The following KCNIP4 variants were observed in gnomAD, a reference collection of about 807,000 sequenced individuals.
The protein encoded by KCNIP4 is potassium voltage-gated channel interacting protein 4.
KCNIP4 carries 12 observed loss-of-function variants against 34.0 expected under a neutral mutation model. The ratio of observed to expected loss-of-function variants is 0.35; its 90% confidence interval spans 0.23 to 0.57. KCNIP4 has a LOEUF of 0.57. Among genes scored for constraint, KCNIP4 ranks in the 20% least tolerant of loss-of-function variants. The pLI, the probability that KCNIP4 is intolerant of heterozygous loss-of-function variation, is 0.83. For synonymous variants in KCNIP4, 124 were observed against 102.2 expected, an observed-to-expected ratio of 1.21 and a Z score of -1.29; for missense variants, 238 against 311.7, an observed-to-expected ratio of 0.76 and a Z score of 1.78.
intron 1 of KCNIP4, among the ~76,000 whole-genome samples, chr4:21,752,353 T>A (rs1717205728): frequency 6.6e-6 from 1 of 152,026 alleles, no homozygotes; most frequent in African/African-American, 2.4e-5. Context: ...TTGTACCTTC[T>A]CACATGTCAG....
intron 1 of KCNIP4, among the ~76,000 whole-genome samples, chr4:21,240,667 G>A (rs769728524): frequency 6.6e-6 from 1 of 152,062 alleles, no homozygotes. Flanking sequence ...AGGCTTCCTG[G>A]CTTCCATGTA....
intron 3 of KCNIP4, among the ~76,000 whole-genome samples, chr4:20,836,951 C>T (rs79250965): frequency 0.017 from 2,645 of 151,996 alleles, 74 homozygotes; most frequent in African/African-American, 0.057. Context: ...CTTCCTCCAC[C>T]ACACTCTAAT....
At chr4:21,890,956 G>C (rs887454493) in intron 1 of KCNIP4, among the ~76,000 whole-genome samples, 2 of 152,016 alleles carry the variant, frequency 1.3e-5, no homozygotes, top group Admixed American at 1.3e-4. Context: ...CTTGTAAAAA[G>C]CATGCAGTTT....
chr4:21,790,961 G>A (rs1278226319), intron 1 of KCNIP4, among the ~76,000 whole-genome samples: 1 of 77,422 alleles, frequency 1.3e-5, no homozygotes, highest in Admixed American at 2.4e-4. Context: ...ATTTGCCTGC[G>A]CACTCCACAA....
intron 3 of KCNIP4, among the ~76,000 whole-genome samples, chr4:20,801,042 C>T (rs924641643): frequency 4.6e-5 from 7 of 152,060 alleles, no homozygotes; most frequent in Non-Finnish European, 8.8e-5. Flanking sequence ...GAGAAAACAT[C>T]AAGTCACATA....
At chr4:20,936,870 G>C (rs1192029913) in intron 1 of KCNIP4, among the ~76,000 whole-genome samples, 1 of 152,174 alleles carries the variant, frequency 6.6e-6, no homozygotes, top group Non-Finnish European at 1.5e-5. Context: ...CAGAGTGCAG[G>C]TTGCAAAATG....
In KCNIP4 at chr4:20,729,471, C is replaced by T. The variant is rs1468379037; in HGVS notation, c.*611G>A. The T allele has an allele frequency of 1.3e-5, 2 of 151,228 alleles. No homozygotes were observed. Among genetic ancestry groups the T allele is most frequent in the Non-Finnish European group, 2.9e-5 (2 of 67,852 alleles). The allele number at this position is 151,228 out of a possible 1,614,324, so 9.4% of individuals were successfully genotyped here. A position where few individuals can be genotyped will look rare whatever the true frequency, so the allele number is the denominator to read the frequency against. On this transcript the variant is annotated 3_prime_UTR_variant, in exon 9 of 9. Transcript: ENST00000382152. Reference sequence around the variant, plus strand: ...GCATATGCTGATATCTGATAATAAACTAATTTTTAAATGTTTAATAATTTT... The same window carrying T: ...GCATATGCTGATATCTGATAATAAATTAATTTTTAAATGTTTAATAATTTT...
intron 1 of KCNIP4, among the ~76,000 whole-genome samples, chr4:21,703,483 T>G (rs1271598542): frequency 6.6e-6 from 1 of 152,162 alleles, no homozygotes; most frequent in Non-Finnish European, 1.5e-5. Flanking sequence ...AAACACCACA[T>G]GTTCTCACTC....
In KCNIP4 at chr4:21,891,046, A is replaced by C. The variant is rs554877939; in HGVS notation, c.61+57525T>G. The stretch of plus-strand genomic sequence containing the variant: ...ATTTAACCCAAAACAAACAGCCTAG[A>C]TACTCTGTATGGCCTGTGTTCCAAG... On this transcript the variant is annotated intron_variant, in intron 1 of 8. Transcript: ENST00000382152. Among the ~76,000 whole-genome samples the C allele has an allele frequency of 7.5e-4, 114 of 152,164 alleles. 3 individuals carry two copies. The South Asian group carries it at 0.022, about 30-fold the overall frequency.
intron 1 of KCNIP4, among the ~76,000 whole-genome samples, chr4:21,360,205 T>A (rs1719071142): frequency 1.3e-5 from 2 of 152,074 alleles, no homozygotes; most frequent in African/African-American, 4.8e-5. Flanking sequence ...CTAATAAAAA[T>A]AATCAAGAAT....
chr4:20,905,787 T>C (rs1727697489), intron 1 of KCNIP4, among the ~76,000 whole-genome samples: 1 of 152,034 alleles, frequency 6.6e-6, no homozygotes, highest in Admixed American at 6.6e-5. Flanking sequence ...CCCAAAGAGC[T>C]GGGATTATAG....
chr4:21,349,269 C>A (rs13133567), intron 1 of KCNIP4, among the ~76,000 whole-genome samples: 5,173 of 152,162 alleles, frequency 0.034, 225 homozygotes, highest in East Asian at 0.2. Flanking sequence ...CAATAATCAG[C>A]TGCTATTATC....
intron 1 of KCNIP4, among the ~76,000 whole-genome samples, chr4:21,242,663 C>A (rs1207386506): frequency 2.6e-5 from 4 of 152,104 alleles, no homozygotes; most frequent in African/African-American, 9.7e-5. Flanking sequence ...GCCTGCCTTT[C>A]CTAGCTGGGA....
intron 1 of KCNIP4, chr4:21,608,675 C>A (rs1166549448): frequency 6.6e-6 from 1 of 152,106 alleles, no homozygotes; most frequent in Non-Finnish European, 1.5e-5. Context: ...ATAAAATAGT[C>A]ACAGAATCTA....
intron 1 of KCNIP4, among the ~76,000 whole-genome samples, chr4:21,722,827 T>C (rs1195089817): frequency 6.6e-6 from 1 of 152,154 alleles, no homozygotes; most frequent in Non-Finnish European, 1.5e-5. Flanking sequence ...TATGGTAATA[T>C]TTTTGTGCCA....
At chr4:20,912,530 A>C (rs1728427524) in intron 1 of KCNIP4, among the ~76,000 whole-genome samples, 1 of 152,144 alleles carries the variant, frequency 6.6e-6, no homozygotes, top group Admixed American at 6.5e-5. Flanking sequence ...CAAACAAATA[A>C]ATTGAACATC....
intron 1 of KCNIP4, among the ~76,000 whole-genome samples, chr4:21,201,202 C>G (rs1266129680): frequency 3.3e-5 from 5 of 152,174 alleles, no homozygotes; most frequent in Admixed American, 3.3e-4. Context: ...TCTGTTTTAG[C>G]AGTATCTGTT....
intron 4 of KCNIP4, among the ~76,000 whole-genome samples, chr4:20,757,159 C>T (rs990921823): frequency 3.3e-5 from 5 of 152,110 alleles, no homozygotes; most frequent in African/African-American, 4.8e-5. Flanking sequence ...ATCACAAACT[C>T]CTCTCTTCAT....
At chr4:20,864,192 ATATG>A (rs1424952107) in intron 2 of KCNIP4, among the ~76,000 whole-genome samples, 4 of 72,198 alleles carry the variant, frequency 5.5e-5, no homozygotes, top group South Asian at 5.3e-4. Context: ...GTATGCGTAC[ATATG>A]TATGTACACA....
Sources: gnomAD v4.1 joint callset for allele counts (sites outside exome capture counted in the v4.1 genomes callset) on GRCh38, gnomAD v4.1.1 for gene constraint, MANE v1.5 for transcripts, NCBI Gene and HGNC (gene_info 2026-07-23, HGNC 2026-07-21) for gene names.